Variants in VTI1A observed in about 807,000 individuals in gnomAD.
VTI1A encodes vesicle transport through interaction with t-SNAREs homolog 1A.
Under a neutral mutation model 34.9 loss-of-function variants are expected in VTI1A, and 22 were observed. That is an observed-to-expected ratio of 0.63 (90% CI 0.45 to 0.90). The LOEUF (loss-of-function observed/expected upper bound fraction) is 0.90. Among genes scored for constraint, VTI1A ranks in the 40% least tolerant of loss-of-function variants. The probability of loss-of-function intolerance (pLI) is 0.00; values close to 1 mark genes in which losing one functional copy is unlikely to be tolerated. For missense variants in VTI1A, 268 were observed against 275.6 expected, an observed-to-expected ratio of 0.97 and a Z score of 0.20; for synonymous variants, 87 against 97.3, an observed-to-expected ratio of 0.89 and a Z score of 0.62.
intron 5 of VTI1A, among the ~76,000 whole-genome samples, chr10:112,558,752 C>G (rs143030389): frequency 1.3e-5 from 2 of 152,314 alleles, no homozygotes; most frequent in Non-Finnish European, 2.9e-5. Context: ...GACACACACT[C>G]TCTCTCGATT....
intron 5 of VTI1A, among the ~76,000 whole-genome samples, chr10:112,643,579 A>G (rs1564862914): frequency 3.3e-5 from 5 of 152,286 alleles, no homozygotes; most frequent in Admixed American, 3.3e-4. Flanking sequence ...TAAAAAAAAA[A>G]TTATCCTTTT....
intron 7 of VTI1A, among the ~76,000 whole-genome samples, chr10:112,735,655 G>A (rs904350542): frequency 7.9e-5 from 12 of 151,860 alleles, no homozygotes; most frequent in Admixed American, 3.9e-4. Context: ...TTTCAATATG[G>A]GCTTCATAAA....
At chr10:112,519,206 A>G (rs1437897561) in intron 3 of VTI1A, among the ~76,000 whole-genome samples, 1 of 152,124 alleles carries the variant, frequency 6.6e-6, no homozygotes, top group African/African-American at 2.4e-5. Context: ...AGAATTTTGA[A>G]GTAACCAGGA....
chr10:112,846,373 G>A, the VTI1A span, among the ~76,000 whole-genome samples: 1 of 152,220 alleles, frequency 6.6e-6, no homozygotes, highest in Non-Finnish European at 1.5e-5. Context: ...AGCACGCACT[G>A]TTGATATTGG....
At chr10:112,579,400 G>A (rs1478215015) in intron 5 of VTI1A, among the ~76,000 whole-genome samples, 1 of 152,100 alleles carries the variant, frequency 6.6e-6, no homozygotes, top group African/African-American at 2.4e-5. Flanking sequence ...TCTGAGTAGT[G>A]TATAAAAAAT....
chr10:112,776,145 T>C (rs1403207215), intron 7 of VTI1A, among the ~76,000 whole-genome samples: 1 of 152,250 alleles, frequency 6.6e-6, no homozygotes, highest in Non-Finnish European at 1.5e-5. Flanking sequence ...CCATTGTTGC[T>C]GCAGCCTGCA....
intron 7 of VTI1A, among the ~76,000 whole-genome samples, chr10:112,766,132 TGTA>T (rs1241097429): frequency 6.6e-6 from 1 of 151,934 alleles, no homozygotes; most frequent in African/African-American, 2.4e-5. Flanking sequence ...GACCTATAGG[TGTA>T]GTAGCACGTG....
At chr10:112,681,098 G>A (rs1848197474) in intron 7 of VTI1A, among the ~76,000 whole-genome samples, 1 of 148,700 alleles carries the variant, frequency 6.7e-6, no homozygotes, top group Admixed American at 6.7e-5. Context: ...TTTTTAAAGG[G>A]ACAGGGTCTC....
At chr10:112,778,820 A>G (rs1185472413) in intron 7 of VTI1A, among the ~76,000 whole-genome samples, 1 of 152,216 alleles carries the variant, frequency 6.6e-6, no homozygotes, top group Non-Finnish European at 1.5e-5. Context: ...GTCTGAATCA[A>G]GAAATTCCTG....
intron 7 of VTI1A, among the ~76,000 whole-genome samples, chr10:112,677,177 T>C (rs1034029534): frequency 2.6e-5 from 4 of 152,090 alleles, no homozygotes; most frequent in Non-Finnish European, 5.9e-5. Flanking sequence ...CTCAGAAGAA[T>C]CCGAGAGCTT....
At position 112,700,024 on chromosome 10, in the gene VTI1A, C is replaced by T. The variant is rs1235717947; in HGVS notation, c.560+31026C>T. Among the ~76,000 whole-genome samples, 7 of 141,788 alleles carry T rather than the reference C, an allele frequency of 4.9e-5. No individual in the cohort carries two copies. In the East Asian group the frequency reaches 1.5e-3, roughly 30 times the overall value. The allele number at this position is 141,788 out of a possible 152,430, so 93.0% of individuals were successfully genotyped here. A position where few individuals can be genotyped will look rare whatever the true frequency, so the allele number is the denominator to read the frequency against. On this transcript the variant is annotated intron_variant, in intron 7 of 7. Transcript: ENST00000393077. Reference sequence around the variant, plus strand: ...ATCCCAGCCACTCGAGAGGCTGAGGCAGAGAATTGCTTGAACCCAGGAGGC... The same window carrying T: ...ATCCCAGCCACTCGAGAGGCTGAGGTAGAGAATTGCTTGAACCCAGGAGGC...
At chr10:112,787,698 C>CTTTTTTTTTTTTTTTT (rs34862909) in intron 7 of VTI1A, among the ~76,000 whole-genome samples, 2 of 103,280 alleles carry the variant, frequency 1.9e-5, no homozygotes, top group African/African-American at 3.9e-5. Flanking sequence ...TTTTTCTTTT[C>CTTTTTTTTTTTTTTTT]TTTTTTTTTT....
At chr10:112,694,079 G>T (rs1297982925) in intron 7 of VTI1A, among the ~76,000 whole-genome samples, 25 of 151,910 alleles carry the variant, frequency 1.6e-4, no homozygotes, top group Non-Finnish European at 1.0e-4. Context: ...GGTGGCGCGT[G>T]CCTGTAATCC....
chr10:112,834,906 A>G, the VTI1A span, among the ~76,000 whole-genome samples: 1 of 152,206 alleles, frequency 6.6e-6, no homozygotes, highest in Non-Finnish European at 1.5e-5. Flanking sequence ...CACAGGCCAC[A>G]GGGAAGCAAA....
At chr10:112,807,478 C>T (rs558046636) in intron 7 of VTI1A, among the ~76,000 whole-genome samples, 16 of 152,294 alleles carry the variant, frequency 1.1e-4, no homozygotes, top group East Asian at 1.9e-4. Flanking sequence ...TCCATCTTCA[C>T]GTGCCCCTCT....
At chr10:112,650,401 A>G (rs1846965039) in intron 5 of VTI1A, among the ~76,000 whole-genome samples, 1 of 152,174 alleles carries the variant, frequency 6.6e-6, no homozygotes, top group African/African-American at 2.4e-5. Flanking sequence ...TCCTATGATA[A>G]CAATGCCTTC....
At chr10:112,708,808 G>C (rs1849291962) in intron 7 of VTI1A, among the ~76,000 whole-genome samples, 1 of 152,354 alleles carries the variant, frequency 6.6e-6, no homozygotes, top group African/African-American at 2.4e-5. Flanking sequence ...CATCCATTTT[G>C]TGTAGCCTTT....
chr10:112,783,715 T>G (rs567284229), intron 7 of VTI1A, among the ~76,000 whole-genome samples: 23 of 152,346 alleles, frequency 1.5e-4, no homozygotes, highest in African/African-American at 5.1e-4. Context: ...TGGATTACTT[T>G]GTCAGAGTAA....
intron 5 of VTI1A, among the ~76,000 whole-genome samples, chr10:112,572,140 G>A (rs1355027787): frequency 1.3e-5 from 2 of 152,136 alleles, no homozygotes; most frequent in African/African-American, 4.8e-5. Context: ...AATTTAAAAA[G>A]ATGAAAAAGA....
Sources: allele counts gnomAD v4.1 joint callset (sites outside exome capture counted in the v4.1 genomes callset), GRCh38; gene constraint gnomAD v4.1.1; transcripts MANE v1.5; gene names NCBI Gene and HGNC (gene_info 2026-07-23, HGNC 2026-07-21).